Variants in CFAP46 observed in about 807,000 individuals in gnomAD.
CFAP46 encodes the protein cilia and flagella associated protein 46.
CFAP46 carries 245 observed loss-of-function variants against 325.7 expected under a neutral mutation model. The ratio of observed to expected loss-of-function variants is 0.75; its 90% confidence interval spans 0.68 to 0.84. The LOEUF is 0.84. Among genes scored for constraint, CFAP46 ranks in the 40% least tolerant of loss-of-function variants. CFAP46 has a pLI of 0.00. For missense variants in CFAP46, 3,346 were observed against 3,543.0 expected, an observed-to-expected ratio of 0.94 and a Z score of 1.41; for synonymous variants, 1,523 against 1,495.9, an observed-to-expected ratio of 1.02 and a Z score of -0.42.
rs1308829204 is a variant in CFAP46 at position 132,846,921 on chromosome 10, C to G, written c.6267+11G>C. 1 of 1,603,766 alleles carries G rather than the reference C, an allele frequency of 6.2e-7. No homozygotes were observed. Among genetic ancestry groups the G allele is most frequent in the Non-Finnish European group, 8.5e-7 (1 of 1,175,754 alleles). The stretch of plus-strand genomic sequence containing the variant: ...AGGGCCTGGCTGGAGGTGGGCAGGG[C>G]AGAGACACACCTGAGACAGAGCCAG... On this transcript the variant is annotated intron_variant, in intron 43 of 57. Coordinates refer to ENST00000368586, the MANE Select transcript of CFAP46 (RefSeq NM_001200049.3).
intron 27 of CFAP46, among the ~76,000 whole-genome samples, chr10:132,882,215 G>A (rs1399476507): frequency 1.3e-5 from 2 of 150,504 alleles, no homozygotes; most frequent in East Asian, 3.9e-4. Flanking sequence ...TGAGTGGTGT[G>A]TGTGGGATGT....
rs1287210290 is a variant in CFAP46, at chr10:132,876,371, GGAGGCCACGTGACCACA to G, written c.4362+424_4362+440del. On this transcript the variant is annotated intron_variant, in intron 31 of 57. Coordinates refer to ENST00000368586, the MANE Select transcript of CFAP46 (RefSeq NM_001200049.3). The surrounding 1 kb of genome is among the most constrained non-coding windows in gnomAD (Gnocchi z 4.1). Reference sequence around the variant, plus strand: ...CGGGAGATTTGATCCACACAAAAGAGGAGGCCACGTGACCACAGAGGCTGACCGGGATGAGGAAAGAG... The same window carrying G: ...CGGGAGATTTGATCCACACAAAAGAGGAGGCTGACCGGGATGAGGAAAGAG... Among the ~76,000 whole-genome samples, 1 of 152,226 alleles carries G rather than the reference GGAGGCCACGTGACCACA, an allele frequency of 6.6e-6. No individual in the cohort carries two copies. The highest frequency in any genetic ancestry group is 1.5e-5 in the Non-Finnish European group (1 of 68,038).
At chr10:132,902,378 T>C (rs1849403392) in intron 22 of CFAP46, among the ~76,000 whole-genome samples, 1 of 152,326 alleles carries the variant, frequency 6.6e-6, no homozygotes, top group African/African-American at 2.4e-5. Context: ...CTGGCCTGGA[T>C]TCGAAGTTAC....
At chr10:132,933,870 AG>A (rs1849951396) in intron 8 of CFAP46, among the ~76,000 whole-genome samples, 1 of 152,228 alleles carries the variant, frequency 6.6e-6, no homozygotes, top group African/African-American at 2.4e-5. Context: ...TCCAGCCTCG[AG>A]AAAAGACCCC....
chr10:132,916,629 G>GA lies in CFAP46; in HGVS notation c.2039dup (p.Glu683ArgfsTer13). On this transcript the variant is annotated frameshift_variant, in exon 17 of 58. Coordinates refer to ENST00000368586, the MANE Select transcript of CFAP46 (RefSeq NM_001200049.3). LOFTEE classifies it high-confidence loss of function. The stretch of plus-strand genomic sequence containing the variant: ...GGTGCTGGCTCAGGTCTTCGGGGGG[G>GA]ATGGCCCGGTCATTCAGCTCTACAC... 4 of 1,540,252 alleles carry GA rather than the reference G, an allele frequency of 2.6e-6. No individual in the cohort carries two copies. The highest frequency in any genetic ancestry group is 3.5e-6 in the Non-Finnish European group (4 of 1,142,354).
At chr10:132,928,583 C>T (rs919466257) in intron 9 of CFAP46, among the ~76,000 whole-genome samples, 47 of 152,184 alleles carry the variant, frequency 3.1e-4, no homozygotes, top group Non-Finnish European at 5.6e-4. Context: ...GAGCCATGGC[C>T]GTGTCTCCTG....
chr10:132,936,438 G>A (rs1404389338), intron 7 of CFAP46, among the ~76,000 whole-genome samples: 1 of 97,534 alleles, frequency 1.0e-5, no homozygotes, highest in Non-Finnish European at 2.0e-5. Flanking sequence ...ACTCCCCTCG[G>A]CATCCAAACA....
At chr10:132,867,749 G>A (rs1848837868) in intron 33 of CFAP46, among the ~76,000 whole-genome samples, 1 of 152,188 alleles carries the variant, frequency 6.6e-6, no homozygotes, top group Non-Finnish European at 1.5e-5. Context: ...AGCCAGGGGT[G>A]TTTAATGAGC....
chr10:132,928,037 G>A (rs1849837477), intron 9 of CFAP46, among the ~76,000 whole-genome samples: 1 of 152,230 alleles, frequency 6.6e-6, no homozygotes, highest in Admixed American at 6.5e-5. Flanking sequence ...AACATGCTGT[G>A]CAGGGGCCAC....
chr10:132,822,828 CTGATGTGT>C (rs1847904092), intron 50 of CFAP46, among the ~76,000 whole-genome samples: 1 of 96,500 alleles, frequency 1.0e-5, no homozygotes. Flanking sequence ...GCTGTGTGTG[CTGATGTGT>C]GCTGATGTGT....
intron 57 of CFAP46, 88 bp downstream of exon 57, chr10:132,810,321 C>T: frequency 4.6e-6 from 5 of 1,096,104 alleles, no homozygotes; most frequent in Non-Finnish European, 7.0e-6. Context: ...GACACCTGTC[C>T]CTGCAGGGCT....
chr10:132,855,542 T>C (rs372822805), intron 39 of CFAP46, among the ~76,000 whole-genome samples: 2 of 152,218 alleles, frequency 1.3e-5, no homozygotes, highest in South Asian at 2.1e-4. Context: ...CATGATTAGG[T>C]CTAAGGTTAT....
intron 9 of CFAP46, among the ~76,000 whole-genome samples, chr10:132,927,792 A>T (rs911117890): frequency 2.0e-5 from 3 of 152,412 alleles, no homozygotes; most frequent in East Asian, 3.9e-4. Flanking sequence ...CTTCAAAATT[A>T]AAAACTATTC....
At chr10:132,861,726 G>C (rs1029440516) in intron 35 of CFAP46, among the ~76,000 whole-genome samples, 1 of 152,208 alleles carries the variant, frequency 6.6e-6, no homozygotes, top group Non-Finnish European at 1.5e-5. Flanking sequence ...GGGCTGCCCA[G>C]GTGTCTTCTG....
intron 36 of CFAP46, 96 bp downstream of exon 36, chr10:132,860,686 G>T: frequency 7.4e-7 from 1 of 1,360,328 alleles, no homozygotes; most frequent in Non-Finnish European, 1.0e-6. Flanking sequence ...CGTGTCATCA[G>T]CGGTCTGCCA....
At chr10:132,926,408 G>A (rs1302229317) in intron 10 of CFAP46, among the ~76,000 whole-genome samples, 160 bp downstream of exon 10, 1 of 152,106 alleles carries the variant, frequency 6.6e-6, no homozygotes, top group Non-Finnish European at 1.5e-5. Flanking sequence ...GGCACTGGAG[G>A]CTGGACTCAC....
In CFAP46 at chr10:132,885,839, G is replaced by GGCAGCACCTGCACAGCCTCGT; in HGVS notation, c.3404_3424dup (p.Leu1141_Pro1142insHisGluAlaValGlnValLeu). ...CACTCACAGGCGGTGGGCCGTCCTT[G>GGCAGCACCTGCACAGCCTCGT]GCAGCACCTGCACAGCCTCGTCCAG... On this transcript the variant is annotated inframe_insertion, in exon 26 of 58. Coordinates refer to ENST00000368586, the MANE Select transcript of CFAP46 (RefSeq NM_001200049.3). The GGCAGCACCTGCACAGCCTCGT allele has an allele frequency of 1.3e-6, 2 of 1,532,948 alleles. No homozygotes were observed. The highest frequency in any genetic ancestry group is 1.8e-6 in the Non-Finnish European group (2 of 1,136,866). The allele number at this position is 1,532,948 out of a possible 1,614,324, so 95.0% of individuals were successfully genotyped here.
At chr10:132,907,693 T>G (rs1849475998) in intron 22 of CFAP46, among the ~76,000 whole-genome samples, 1 of 152,220 alleles carries the variant, frequency 6.6e-6, no homozygotes, top group African/African-American at 2.4e-5. Context: ...CCCTCAAAAT[T>G]CCCATGCTGG....
chr10:132,932,716 C>T (rs994382373), intron 8 of CFAP46, among the ~76,000 whole-genome samples: 4 of 152,256 alleles, frequency 2.6e-5, no homozygotes, highest in Non-Finnish European at 4.4e-5. Flanking sequence ...CAATCAGGGT[C>T]TTTGCAGAAA....
Sources: gnomAD v4.1 joint callset for allele counts (sites outside exome capture counted in the v4.1 genomes callset) on GRCh38, gnomAD v4.1.1 for gene constraint, Gnocchi (gnomAD v3.1) non-coding constraint, MANE v1.5 for transcripts, NCBI Gene and HGNC (gene_info 2026-07-23, HGNC 2026-07-21) for gene names.